The following RIN3 variants were observed in gnomAD, a reference collection of about 807,000 sequenced individuals.
RIN3 encodes RAB5 interacting protein 3.
A neutral mutation model predicts 76.3 loss-of-function variants in RIN3; 54 were observed. The observed-to-expected ratio is 0.71, with a 90% CI of 0.57 to 0.89. The LOEUF is 0.89. RIN3 is among the 40% of genes least tolerant of loss of function. RIN3 has a pLI of 0.00. For missense variants in RIN3, 1,256 were observed against 1,322.1 expected, an observed-to-expected ratio of 0.95 and a Z score of 0.78; for synonymous variants, 576 against 564.0, an observed-to-expected ratio of 1.02 and a Z score of -0.30.
Position 92,643,144 on chromosome 14 carries a change from C to T in RIN3, c.532+1815C>T, listed in dbSNP as rs1887078211. On this transcript the variant is annotated intron_variant, in intron 5 of 9. Coordinates refer to ENST00000216487, the MANE Select transcript of RIN3 (RefSeq NM_024832.5). This position sits in a 1 kb window ranked among gnomAD's most constrained non-coding sequence, Gnocchi z 4.8. The stretch of plus-strand genomic sequence containing the variant: ...TCTTGGCTCACTGCAACCTCCACCT[C>T]CCAGGTTCAAGCGATTCTTCTGCCT... 6.6e-6 allele frequency among the ~76,000 whole-genome samples: 1 copy of T among 152,150 alleles called. No individual in the cohort carries two copies. The highest frequency in any genetic ancestry group is 6.5e-5 in the Admixed American group (1 of 15,272).
intron 2 of RIN3, among the ~76,000 whole-genome samples, chr14:92,564,851 A>G (rs527658342): frequency 3.6e-4 from 55 of 152,244 alleles, no homozygotes; most frequent in Non-Finnish European, 7.2e-4. Context: ...CAGCTGACTC[A>G]GCAAGGCCCC....
intron 1 of RIN3, among the ~76,000 whole-genome samples, chr14:92,549,370 G>T (rs1897363771): frequency 6.6e-6 from 1 of 152,086 alleles, no homozygotes. Flanking sequence ...GCTTCCTGGG[G>T]CTGACATAGG....
chr14:92,571,574 G>A (rs1024808661), intron 2 of RIN3, among the ~76,000 whole-genome samples: 31 of 152,046 alleles, frequency 2.0e-4, no homozygotes, highest in African/African-American at 7.2e-4. Context: ...TTCTGACACC[G>A]GCTGGGTGTC....
At chr14:92,576,641 TAACTC>T (rs1453753603) in intron 2 of RIN3, among the ~76,000 whole-genome samples, 4 of 152,150 alleles carry the variant, frequency 2.6e-5, no homozygotes, top group African/African-American at 4.8e-5. Flanking sequence ...TAACAGGTAT[TAACTC>T]AGTCAGTCAT....
At chr14:92,654,686 G>T (rs1205039124) in intron 6 of RIN3, among the ~76,000 whole-genome samples, 1 of 152,238 alleles carries the variant, frequency 6.6e-6, no homozygotes, top group African/African-American at 2.4e-5. Flanking sequence ...TGATGGGATT[G>T]AGATCTGAGG....
chr14:92,688,249 G>A lies in RIN3; in HGVS notation c.2955G>A (p.Leu985=), dbSNP rs576425860. ...TGGTGGTGCGGGAGCCCAACTTCCT[G>A]TGAGGCCCTCCCGGGGCGCCTCCCC... ...PCLVVREPNF[L] Residue 985 remains leucine (L), a synonymous_variant, in exon 10 of 10, where the codon CTG becomes CTA. Transcript: ENST00000216487. 138 of 1,582,456 alleles carry A rather than the reference G, an allele frequency of 8.7e-5. 2 individuals are homozygous for A. In the South Asian group the frequency reaches 1.4e-3, roughly 16 times the overall value.
At position 92,681,972 on chromosome 14, in the gene RIN3, T is replaced by C. The variant is rs7160014; in HGVS notation, c.2468-3015T>C. 0.73 allele frequency among the ~76,000 whole-genome samples: 110,838 copies of C among 152,062 alleles called. 40,547 individuals carry two copies. Among genetic ancestry groups the C allele is most frequent in the East Asian group, 0.83 (4,325 of 5,180 alleles). ...CCTGATCTCAGCTCACTGCAACCTC[T>C]GCCTCTCAGGTTCAAGCGATTCTCC... On this transcript the variant is annotated intron_variant, in intron 8 of 9. Transcript: ENST00000216487. The surrounding 1 kb of genome is among the most constrained non-coding windows in gnomAD (Gnocchi z 4.7).
chr14:92,571,804 C>G (rs1215430881), intron 2 of RIN3, among the ~76,000 whole-genome samples: 3 of 152,170 alleles, frequency 2.0e-5, no homozygotes, highest in Non-Finnish European at 4.4e-5. Context: ...ATAAAAGATA[C>G]AGCACAGGAA....
intron 3 of RIN3, among the ~76,000 whole-genome samples, chr14:92,603,810 A>G (rs1885430899): frequency 6.6e-6 from 1 of 152,184 alleles, no homozygotes; most frequent in African/African-American, 2.4e-5. Flanking sequence ...TGGTTCTCCA[A>G]CATCACCTCA....
rs181768488 is a variant in RIN3, at chr14:92,585,908, G to A, written c.367+8431G>A. Among the ~76,000 whole-genome samples the A allele has an allele frequency of 3.2e-3, 490 of 152,318 alleles. 5 individuals are homozygous for A. The highest frequency in any genetic ancestry group is 2.2e-3 in the Non-Finnish European group (152 of 68,028). The stretch of plus-strand genomic sequence containing the variant: ...GAGAAGGCAGCCTCTTGATATTTCA[G>A]CAGTGAGGAAGTACTGATGGCATCG... On this transcript the variant is annotated intron_variant, in intron 3 of 9. Coordinates refer to ENST00000216487, the MANE Select transcript of RIN3 (RefSeq NM_024832.5).
In RIN3 at chr14:92,643,792, A is replaced by G. The variant is rs1159004260; in HGVS notation, c.532+2463A>G. On this transcript the variant is annotated intron_variant, in intron 5 of 9. Transcript: ENST00000216487. The surrounding 1 kb of genome is among the most constrained non-coding windows in gnomAD (Gnocchi z 4.8). ...AAAATATAAAAATTAAGTGGGCATA[A>G]TGGCATGTGCCTGTAATCCCAGCTA... Among the ~76,000 whole-genome samples the G allele has an allele frequency of 6.6e-6, 1 of 152,130 alleles. No individual in the cohort carries two copies. Among genetic ancestry groups the G allele is most frequent in the African/African-American group, 2.4e-5 (1 of 41,452 alleles).
chr14:92,550,066 G>A, intron 1 of RIN3, among the ~76,000 whole-genome samples: 1 of 152,286 alleles, frequency 6.6e-6, no homozygotes, highest in Middle Eastern at 3.4e-3. Flanking sequence ...CCTGGCAGTT[G>A]GAGCTGCTGT....
At chr14:92,615,136 C>T (rs1230851741) in intron 3 of RIN3, among the ~76,000 whole-genome samples, 2 of 152,104 alleles carry the variant, frequency 1.3e-5, no homozygotes, top group East Asian at 1.9e-4. Flanking sequence ...CCACTGTACC[C>T]GGCCCGGGTA....
At chr14:92,591,333 C>T (rs1884971066) in intron 3 of RIN3, among the ~76,000 whole-genome samples, 3 of 151,988 alleles carry the variant, frequency 2.0e-5, no homozygotes, top group Admixed American at 2.0e-4. Context: ...AACGGAGTAT[C>T]TAAGAACTGT....
At chr14:92,574,649 C>T (rs1898165376) in intron 2 of RIN3, among the ~76,000 whole-genome samples, 1 of 152,144 alleles carries the variant, frequency 6.6e-6, no homozygotes, top group Non-Finnish European at 1.5e-5. Flanking sequence ...TAAATAATTT[C>T]TTTTTAGCTC....
chr14:92,584,545 C>G (rs1403127203), intron 3 of RIN3, among the ~76,000 whole-genome samples: 1 of 152,170 alleles, frequency 6.6e-6, no homozygotes, highest in East Asian at 1.9e-4. Context: ...CTCTGCTGCA[C>G]AAAGGGAACA....
In RIN3 at chr14:92,652,664, G is replaced by T. The variant is rs1418694552; in HGVS notation, c.1615G>T (p.Gly539Trp). The stretch of plus-strand genomic sequence containing the variant: ...CCTGGCCTCCCTCTCAGACAGCTTG[G>T]GGGTGTCTGTCATGGCCACCGACCA... ...GSLASLSDSL[G>W]VSVMATDQDS... Residue 539 changes from glycine (G) to tryptophan (W), a missense_variant, in exon 6 of 10, where the codon GGG (glycine) becomes TGG (tryptophan). Physicochemically the swap from Gly to Trp is radical, Grantham distance 184. Around this residue, in one of 3 missense-constraint regions of RIN3, gnomAD observed 428 missense variants for 521.2 expected, o/e 0.82. Transcript: ENST00000216487. This position sits in a 1 kb window ranked among gnomAD's most constrained non-coding sequence, Gnocchi z 6.4. The T allele has an allele frequency of 5.0e-6, 8 of 1,612,320 alleles. No homozygotes were observed. The Admixed American group carries it at 1.3e-4, about 27-fold the overall frequency.
chr14:92,676,526 C>A lies in RIN3; in HGVS notation c.2387C>A (p.Ala796Asp). The change falls in exon 8 of 10, where the codon GCC becomes GAC. Residue 796 changes from alanine to aspartate, a missense_variant. By Grantham distance (126) the Ala-to-Asp change is moderately radical. Coordinates refer to ENST00000216487, the MANE Select transcript of RIN3 (RefSeq NM_024832.5). Reference protein sequence around the residue: ...DFLPVLMYVLARSNLTEMLLN... With the variant: ...DFLPVLMYVLDRSNLTEMLLN... ...CTGCCTGTGCTCATGTATGTGCTGG[C>A]CCGCAGCAACCTCACGGAGATGCTT... 2 of 1,614,128 alleles carry A rather than the reference C, an allele frequency of 1.2e-6. No homozygotes were observed. The highest frequency in any genetic ancestry group is 1.7e-6 in the Non-Finnish European group (2 of 1,180,004).
At chr14:92,684,945 G>A (rs374119830) in intron 8 of RIN3, 42 bp from the exon 9 acceptor site, 90 of 1,583,180 alleles carry the variant, frequency 5.7e-5, no homozygotes, top group Non-Finnish European at 6.8e-5. Context: ...TCTGGTGGGC[G>A]GAGGCGGTCC....
Sources: gnomAD v4.1 joint callset for allele counts (sites outside exome capture counted in the v4.1 genomes callset) on GRCh38, gnomAD v4.1.1 for gene constraint, gnomAD v4.1.1 regional missense constraint, Gnocchi (gnomAD v3.1) non-coding constraint, MANE v1.5 for transcripts, NCBI Gene and HGNC (gene_info 2026-07-23, HGNC 2026-07-21) for gene names.